GFOD1: variants seen among roughly 807,000 people sequenced by gnomAD.
GFOD1 encodes glucose-fructose oxidoreductase domain-containing protein 1.
Under a neutral mutation model 25.4 loss-of-function variants are expected in GFOD1, and 9 were observed. The ratio of observed to expected loss-of-function variants is 0.35; its 90% CI spans 0.21 to 0.62. The LOEUF is 0.62. Among genes scored for constraint, GFOD1 ranks in the 20% least tolerant of loss-of-function variants. GFOD1 has a pLI of 0.72. For synonymous variants in GFOD1, 253 were observed against 245.6 expected (o/e 1.03, Z -0.28); for missense variants, 403 against 556.9 (o/e 0.72, Z 2.78).
intron 1 of GFOD1, among the ~76,000 whole-genome samples, chr6:13,390,780 A>AGAAGGAAGG (rs1491481409): frequency 8.5e-6 from 1 of 117,904 alleles, no homozygotes; most frequent in Non-Finnish European, 1.8e-5. Context: ...AGAGAGAGAG[A>AGAAGGAAGG]AAGGAAGGAA....
At chr6:13,371,021 G>C (rs1785140803) in intron 1 of GFOD1, among the ~76,000 whole-genome samples, 1 of 152,198 alleles carries the variant, frequency 6.6e-6, no homozygotes, top group Non-Finnish European at 1.5e-5. Flanking sequence ...ATAGGAGAAA[G>C]CACCAAAATG....
chr6:13,376,069 G>A (rs1785248854), intron 1 of GFOD1, among the ~76,000 whole-genome samples: 1 of 152,210 alleles, frequency 6.6e-6, no homozygotes, highest in African/African-American at 2.4e-5. Context: ...TAGAGGTCTA[G>A]AAACAACAGG....
At chr6:13,486,306 C>T in intron 1 of GFOD1, 3 of 351,000 alleles carry the variant, frequency 8.5e-6, no homozygotes, top group Non-Finnish European at 1.5e-5. Context: ...AGTAACTTTC[C>T]TCTTCTCGCG....
At chr6:13,408,884 G>A (rs1436027123) in intron 1 of GFOD1, among the ~76,000 whole-genome samples, 2 of 151,810 alleles carry the variant, frequency 1.3e-5, no homozygotes, top group African/African-American at 4.8e-5. Context: ...TCAGGAGTTT[G>A]ATACCAGCCT....
chr6:13,360,603 T>G lies in GFOD1; in HGVS notation c.*4140A>C, dbSNP rs1249114122. The G allele has an allele frequency of 4.7e-6, 2 of 425,570 alleles. No homozygotes were observed. The highest frequency in any genetic ancestry group is 4.0e-5 in the African/African-American group (2 of 49,418). 26.4% of individuals were successfully genotyped at this position (425,570 alleles called of 1,614,324 possible). A position where few individuals can be genotyped will look rare whatever the true frequency, so the allele number is the denominator to read the frequency against. ...CTTGCTGCATCACCTACAATCAAAATGAACATAGGAAGTCAATTTTAAAAA... is the reference window on the plus strand; with the variant it reads ...CTTGCTGCATCACCTACAATCAAAAGGAACATAGGAAGTCAATTTTAAAAA... On this transcript the variant is annotated 3_prime_UTR_variant, in exon 2 of 2. Coordinates refer to ENST00000379287, the MANE Select transcript of GFOD1 (RefSeq NM_018988.4).
chr6:13,480,237 T>C (rs779087718), intron 1 of GFOD1, among the ~76,000 whole-genome samples: 56 of 152,206 alleles, frequency 3.7e-4, no homozygotes, highest in South Asian at 8.3e-4. Flanking sequence ...TTACTCACCA[T>C]CCCAAAAGAG....
intron 1 of GFOD1, among the ~76,000 whole-genome samples, chr6:13,446,072 T>G (rs183554604): frequency 6.6e-6 from 1 of 152,252 alleles, no homozygotes; most frequent in African/African-American, 2.4e-5. Flanking sequence ...GGAGACGGGA[T>G]CTCAAAACCA....
intron 1 of GFOD1, among the ~76,000 whole-genome samples, chr6:13,381,915 G>GCGCA (rs748305101): frequency 3.1e-4 from 43 of 140,140 alleles, no homozygotes; most frequent in African/African-American, 8.3e-4. Flanking sequence ...ACGCGCGCGC[G>GCGCA]CACACACACA....
At chr6:13,422,794 C>A (rs943642683) in intron 1 of GFOD1, among the ~76,000 whole-genome samples, 5 of 152,138 alleles carry the variant, frequency 3.3e-5, no homozygotes, top group African/African-American at 1.2e-4. Flanking sequence ...GGCAGGAATT[C>A]TTAGCAAGAA....
At chr6:13,459,272 T>G (rs934523888) in intron 1 of GFOD1, among the ~76,000 whole-genome samples, 1 of 151,876 alleles carries the variant, frequency 6.6e-6, no homozygotes, top group African/African-American at 2.4e-5. Flanking sequence ...TTCCCTATTT[T>G]ATAAATGGTG....
At chr6:13,459,888 C>T (rs181113946) in intron 1 of GFOD1, among the ~76,000 whole-genome samples, 1 of 152,264 alleles carries the variant, frequency 6.6e-6, no homozygotes, top group East Asian at 1.9e-4. Context: ...AATCCCAGCA[C>T]TTTGGGAGGC....
chr6:13,415,301 GCA>G (rs1206958238), intron 1 of GFOD1, among the ~76,000 whole-genome samples: 1 of 152,204 alleles, frequency 6.6e-6, no homozygotes, highest in Non-Finnish European at 1.5e-5. Flanking sequence ...CCTGTGGGAA[GCA>G]CAGTCTTTCT....
At chr6:13,419,261 T>G (rs957021209) in intron 1 of GFOD1, among the ~76,000 whole-genome samples, 7 of 152,296 alleles carry the variant, frequency 4.6e-5, no homozygotes, top group Non-Finnish European at 1.0e-4. Context: ...GAGATCAAGA[T>G]TCCAAAGAGG....
intron 1 of GFOD1, among the ~76,000 whole-genome samples, chr6:13,404,029 G>A (rs910987752): frequency 3.3e-5 from 5 of 152,144 alleles, no homozygotes; most frequent in Admixed American, 6.6e-5. Context: ...ATAGCAAAAT[G>A]TTTGAATGTT....
At chr6:13,441,351 T>C (rs1479256048) in intron 1 of GFOD1, among the ~76,000 whole-genome samples, 2 of 152,166 alleles carry the variant, frequency 1.3e-5, no homozygotes, top group Non-Finnish European at 2.9e-5. Context: ...AAATGACAAA[T>C]CTGAGATCAT....
chr6:13,464,478 C>CTA (rs1430939721), intron 1 of GFOD1, among the ~76,000 whole-genome samples: 1 of 152,132 alleles, frequency 6.6e-6, no homozygotes, highest in Non-Finnish European at 1.5e-5. Context: ...AGCTATAGTT[C>CTA]TATAGTTCTT....
In GFOD1 at chr6:13,469,608, C is replaced by T. The variant is rs1758443338; in HGVS notation, c.253+17030G>A. The T allele has an allele frequency of 7.2e-6, 8 of 1,105,310 alleles. No homozygotes were observed. In the South Asian group the frequency reaches 1.7e-4, roughly 23 times the overall value. The allele number at this position is 1,105,310 out of a possible 1,614,324, so 68.5% of individuals were successfully genotyped here. On this transcript the variant is annotated intron_variant, in intron 1 of 1. Coordinates refer to ENST00000379287, the MANE Select transcript of GFOD1 (RefSeq NM_018988.4). ...AATTCTGATTCCACTTGTTCTTAGCCATGTACACTTGCCAAAATACCATAT... is the reference window on the plus strand; with the variant it reads ...AATTCTGATTCCACTTGTTCTTAGCTATGTACACTTGCCAAAATACCATAT...
At chr6:13,451,361 G>A (rs2127573850) in intron 1 of GFOD1, among the ~76,000 whole-genome samples, 1 of 152,294 alleles carries the variant, frequency 6.6e-6, no homozygotes. Flanking sequence ...GCAACACGGA[G>A]GCCCGAGCCT....
intron 1 of GFOD1, among the ~76,000 whole-genome samples, chr6:13,421,780 G>A (rs1335098662): frequency 1.3e-5 from 2 of 152,212 alleles, no homozygotes; most frequent in Non-Finnish European, 2.9e-5. Flanking sequence ...AGAAGGGACT[G>A]TTGAGAAGAT....
Sources: allele counts gnomAD v4.1 joint callset (sites outside exome capture counted in the v4.1 genomes callset), GRCh38; gene constraint gnomAD v4.1.1; transcripts MANE v1.5; gene names NCBI Gene and HGNC (gene_info 2026-07-23, HGNC 2026-07-21).